Variants in USP6NL observed in about 807,000 individuals in gnomAD.
USP6NL encodes USP6 N-terminal-like protein.
Under a neutral mutation model 61.9 loss-of-function variants are expected in USP6NL, and 26 were observed. That is an observed-to-expected ratio of 0.42 (90% CI 0.31 to 0.58). The LOEUF (loss-of-function observed/expected upper bound fraction) is 0.58. Ranked by LOEUF, USP6NL falls within the 20% of genes least tolerant of loss-of-function variation. The pLI is 0.16. For synonymous variants in USP6NL, 432 were observed against 390.1 expected, an observed-to-expected ratio of 1.11 and a Z score of -1.27; for missense variants, 1,114 against 1,034.3, an observed-to-expected ratio of 1.08 and a Z score of -1.06.
Position 11,485,875 on chromosome 10 carries a change from A to G in USP6NL, c.701T>C (p.Phe234Ser). 6.4e-7 allele frequency: 1 copy of G among 1,555,732 alleles called. No homozygotes were observed. Among genetic ancestry groups the G allele is most frequent in the South Asian group, 1.2e-5 (1 of 83,394 alleles). Reference protein sequence around the residue: ...FVQGFPKLLRFQEHHEKILNK... With the variant: ...FVQGFPKLLRSQEHHEKILNK... Reference sequence around the variant, plus strand: ...CAGTATTTTTTCATGATGTTCTTGAAACCTCAAGAGTTTAGGAAAACCTTG... The same window carrying G: ...CAGTATTTTTTCATGATGTTCTTGAGACCTCAAGAGTTTAGGAAAACCTTG... The change falls in exon 11 of 15, where the codon TTT becomes TCT. Residue 234 changes from phenylalanine to serine, a missense_variant. Phe to Ser is a radical substitution (Grantham distance 155, BLOSUM62 -2). Transcript: ENST00000609104. The surrounding 1 kb of genome is among the most constrained non-coding windows in gnomAD (Gnocchi z 4.8).
chr10:11,539,127 C>T (rs1457669357), intron 2 of USP6NL, among the ~76,000 whole-genome samples: 1 of 152,224 alleles, frequency 6.6e-6, no homozygotes, highest in Non-Finnish European at 1.5e-5. Flanking sequence ...GGCTCACCTC[C>T]TGCTCTCTCT....
intron 2 of USP6NL, among the ~76,000 whole-genome samples, chr10:11,594,343 A>G (rs368670901): frequency 1.3e-5 from 2 of 152,360 alleles, no homozygotes; most frequent in African/African-American, 4.8e-5. Context: ...AAAACAAGGC[A>G]AGAAAGGGTG....
In USP6NL at chr10:11,465,550, T is replaced by G. The variant is rs556072691; in HGVS notation, c.1079-1701A>C. On this transcript the variant is annotated intron_variant, in intron 14 of 14. Coordinates refer to ENST00000609104, the MANE Select transcript of USP6NL (RefSeq NM_014688.5). The surrounding 1 kb of genome is among the most constrained non-coding windows in gnomAD (Gnocchi z 4.5). ...TTTTAAGATTCTCCATAGCAGTATTTAAAAAACAAACAAAACCAAAAAAGG... is the reference window on the plus strand; with the variant it reads ...TTTTAAGATTCTCCATAGCAGTATTGAAAAAACAAACAAAACCAAAAAAGG... 2.1e-4 allele frequency among the ~76,000 whole-genome samples: 32 copies of G among 152,172 alleles called. No homozygotes were observed. Among genetic ancestry groups the G allele is most frequent in the Non-Finnish European group, 3.7e-4 (25 of 68,028 alleles).
chr10:11,493,781 G>C (rs989047889), intron 7 of USP6NL, among the ~76,000 whole-genome samples: 1 of 151,650 alleles, frequency 6.6e-6, no homozygotes, highest in African/African-American at 2.4e-5. Context: ...CTCTGGGCCT[G>C]TTCCTGCCTG....
intron 2 of USP6NL, among the ~76,000 whole-genome samples, chr10:11,580,891 G>GGATGGATA (rs1837738975): frequency 6.6e-6 from 1 of 151,936 alleles, no homozygotes; most frequent in South Asian, 2.1e-4. Context: ...ATGGATGGAT[G>GGATGGATA]GATGGATGGA....
rs1375699585 is a variant in USP6NL, at chr10:11,465,960, A to G, written c.1079-2111T>C. 4.6e-5 allele frequency among the ~76,000 whole-genome samples: 7 copies of G among 152,236 alleles called. No individual in the cohort carries two copies. The highest frequency in any genetic ancestry group is 1.0e-4 in the Non-Finnish European group (7 of 68,046). ...TCAACAATGTAATGAAACAAACTAC[A>G]GTGATTATAATAAAATGTATTTTAT... On this transcript the variant is annotated intron_variant, in intron 14 of 14. Coordinates refer to ENST00000609104, the MANE Select transcript of USP6NL (RefSeq NM_014688.5). This position sits in a 1 kb window ranked among gnomAD's most constrained non-coding sequence, Gnocchi z 4.5.
rs966411721 is a variant in USP6NL at position 11,574,413 on chromosome 10, G to A, written c.4+23218C>T. Among the ~76,000 whole-genome samples the A allele has an allele frequency of 2.0e-5, 3 of 151,994 alleles. No homozygotes were observed. The highest frequency in any genetic ancestry group is 6.6e-5 in the Admixed American group (1 of 15,234). ...AAATTCAATGGTCTCAACATCCAGC[G>A]GCATGGACCAGATAATTTCAAAACA... is the stretch of plus-strand genomic sequence containing the variant. On this transcript the variant is annotated intron_variant, in intron 2 of 14. Coordinates refer to ENST00000609104, the MANE Select transcript of USP6NL (RefSeq NM_014688.5). This position sits in a 1 kb window ranked among gnomAD's most constrained non-coding sequence, Gnocchi z 4.3.
chr10:11,512,901 T>C (rs558336900), intron 5 of USP6NL, among the ~76,000 whole-genome samples: 10 of 152,322 alleles, frequency 6.6e-5, no homozygotes, highest in East Asian at 3.9e-4. Flanking sequence ...TGTCCCATAC[T>C]GTTTCATTTG....
intron 6 of USP6NL, among the ~76,000 whole-genome samples, chr10:11,507,120 A>C (rs1245707617): frequency 1.3e-5 from 2 of 152,274 alleles, no homozygotes; most frequent in Non-Finnish European, 2.9e-5. Flanking sequence ...AGTTGCTGTC[A>C]GAATAATAGC....
chr10:11,549,290 T>A (rs1270657974), intron 2 of USP6NL, among the ~76,000 whole-genome samples: 1 of 151,988 alleles, frequency 6.6e-6, no homozygotes, highest in Non-Finnish European at 1.5e-5. Flanking sequence ...AGCAAAAGAG[T>A]CCAGGACATA....
At chr10:11,563,451 C>A (rs1837017260) in intron 2 of USP6NL, 1 of 152,018 alleles carries the variant, frequency 6.6e-6, no homozygotes, top group South Asian at 2.1e-4. Context: ...ATACACCACA[C>A]ACATGCATGT....
At chr10:11,464,567 A>T (rs1591810021) in intron 14 of USP6NL, among the ~76,000 whole-genome samples, 2 of 152,112 alleles carry the variant, frequency 1.3e-5, no homozygotes, top group South Asian at 4.2e-4. Context: ...CTCCTCCTCC[A>T]CTATACCACC....
At chr10:11,484,431 G>C (rs1036385684) in intron 13 of USP6NL, among the ~76,000 whole-genome samples, 1 of 147,576 alleles carries the variant, frequency 6.8e-6, no homozygotes, top group Admixed American at 6.8e-5. Flanking sequence ...CCATTTATCT[G>C]CCTATAGACA....
intron 10 of USP6NL, among the ~76,000 whole-genome samples, chr10:11,486,574 T>C (rs1373595121): frequency 6.6e-6 from 1 of 152,188 alleles, no homozygotes; most frequent in Admixed American, 6.5e-5. Context: ...TTTTTCTTCA[T>C]GATATTCTAT....
intron 4 of USP6NL, among the ~76,000 whole-genome samples, chr10:11,524,705 A>G (rs1688132727): frequency 6.6e-6 from 1 of 152,230 alleles, no homozygotes; most frequent in South Asian, 2.1e-4. Context: ...AAATTGGAAA[A>G]GAGCACAGTT....
At chr10:11,530,051 G>A (rs535034118) in intron 2 of USP6NL, among the ~76,000 whole-genome samples, 8 of 142,140 alleles carry the variant, frequency 5.6e-5, no homozygotes, top group Admixed American at 3.7e-4. Flanking sequence ...GCAGTGAGCT[G>A]AGATCGTGCC....
chr10:11,556,503 CAG>C (rs1566178888), intron 2 of USP6NL, among the ~76,000 whole-genome samples: 1 of 152,004 alleles, frequency 6.6e-6, no homozygotes, highest in African/African-American at 2.4e-5. Flanking sequence ...TGTAAAAAAA[CAG>C]ATATATGCTA....
In USP6NL at chr10:11,506,490, T is replaced by A. The variant is rs1288567963; in HGVS notation, c.276+3105A>T. On this transcript the variant is annotated intron_variant, in intron 6 of 14. Transcript: ENST00000609104. ...GACCCTATCTCTAGAAAAATAAAATTTTTTTTTTAATTAGCAGGCATGGTG... is the reference window on the plus strand; with the variant it reads ...GACCCTATCTCTAGAAAAATAAAATATTTTTTTTAATTAGCAGGCATGGTG... Among the ~76,000 whole-genome samples the A allele has an allele frequency of 3.3e-5, 5 of 151,234 alleles. No individual in the cohort carries two copies. The East Asian group carries it at 9.7e-4, about 29-fold the overall frequency.
intron 2 of USP6NL, among the ~76,000 whole-genome samples, chr10:11,555,433 A>AAAAATATATATAT (rs1275798295): frequency 2.0e-5 from 1 of 49,028 alleles, no homozygotes; most frequent in Non-Finnish European, 3.4e-5. Flanking sequence ...AAAAAAAAAA[A>AAAAATATATATAT]ATATATATAT....
Sources: allele counts gnomAD v4.1 joint callset (sites outside exome capture counted in the v4.1 genomes callset), GRCh38; gene constraint gnomAD v4.1.1; non-coding constraint Gnocchi (gnomAD v3.1); transcripts MANE v1.5; gene names NCBI Gene and HGNC (gene_info 2026-07-23, HGNC 2026-07-21).